C12orf42: variants seen among roughly 807,000 people sequenced by gnomAD.
C12orf42 encodes the protein chromosome 12 open reading frame 42.
In C12orf42, 25 loss-of-function variants were observed where a neutral mutation model predicts 21.6. The observed-to-expected ratio is 1.16, with a 90% CI of 0.84 to 1.62. The LOEUF is 1.62. Ranked by LOEUF, C12orf42 falls within the 40% of genes most tolerant of loss-of-function variation. The pLI is 0.00. For missense variants in C12orf42, 483 were observed against 459.3 expected, an observed-to-expected ratio of 1.05 and a Z score of -0.47; for synonymous variants, 174 against 175.0, an observed-to-expected ratio of 0.99 and a Z score of 0.05.
the C12orf42 span, among the ~76,000 whole-genome samples, chr12:103,183,079 T>TATTTC: frequency 5.9e-5 from 9 of 152,374 alleles, no homozygotes; most frequent in South Asian, 4.1e-4. Context: ...TCTCTTGCTC[T>TATTTC]ATTTCATTTC....
intron 4 of C12orf42, among the ~76,000 whole-genome samples, chr12:103,308,381 T>G (rs1295390517): frequency 6.6e-6 from 1 of 152,218 alleles, no homozygotes; most frequent in Non-Finnish European, 1.5e-5. Flanking sequence ...CTGGGTAACT[T>G]CTATGTAATA....
At chr12:103,422,096 C>T in intron 2 of C12orf42, among the ~76,000 whole-genome samples, 1 of 152,104 alleles carries the variant, frequency 6.6e-6, no homozygotes, top group Non-Finnish European at 1.5e-5. Context: ...CTCAGAAAAG[C>T]AACAATGGAT....
the C12orf42 span, among the ~76,000 whole-genome samples, chr12:103,517,978 C>G: frequency 6.6e-6 from 1 of 151,990 alleles, no homozygotes; most frequent in Non-Finnish European, 1.5e-5. Flanking sequence ...TTTTTAACAT[C>G]ATGAATCAGA....
chr12:103,270,841 T>C (rs991132131), intron 5 of C12orf42, among the ~76,000 whole-genome samples: 1 of 147,836 alleles, frequency 6.8e-6, no homozygotes, highest in Admixed American at 6.8e-5. Flanking sequence ...ATCCAAAATA[T>C]GTCAGATTGA....
At chr12:103,261,009 A>G (rs11830344) in intron 10 of C12orf42, among the ~76,000 whole-genome samples, 57,847 of 151,978 alleles carry the variant, frequency 0.38, 12,727 homozygotes, top group African/African-American at 0.6. Context: ...CACCTCCTGC[A>G]AAATTTCTTA....
At chr12:103,281,646 G>A (rs1302979346) in intron 4 of C12orf42, among the ~76,000 whole-genome samples, 4 of 151,912 alleles carry the variant, frequency 2.6e-5, no homozygotes, top group East Asian at 3.9e-4. Context: ...GTGAGCCACC[G>A]TGCCTGGTCT....
the C12orf42 span, among the ~76,000 whole-genome samples, chr12:103,527,588 T>G: frequency 6.6e-6 from 1 of 152,228 alleles, no homozygotes; most frequent in Non-Finnish European, 1.5e-5. Context: ...TCCTTTCTGG[T>G]ACTTCCTGTT....
chr12:103,361,210 T>C (rs1193186466), intron 4 of C12orf42, among the ~76,000 whole-genome samples: 1 of 152,070 alleles, frequency 6.6e-6, no homozygotes, highest in Non-Finnish European at 1.5e-5. Context: ...AGCGCCCAAG[T>C]TGTGAAAGTG....
rs539425502 is a variant in C12orf42, at chr12:103,464,380, A to G, written c.78+13969T>C. ...GCCATATAAATGTCTTCTTTTGAGAAGTGTCTGTTCATGTCTTTGCACACT... is the reference window on the plus strand; with the variant it reads ...GCCATATAAATGTCTTCTTTTGAGAGGTGTCTGTTCATGTCTTTGCACACT... On this transcript the variant is annotated intron_variant, in intron 2 of 5. Coordinates refer to ENST00000548883, the MANE Select transcript of C12orf42 (RefSeq NM_198521.5). 8.0e-5 allele frequency among the ~76,000 whole-genome samples: 12 copies of G among 149,100 alleles called. No individual in the cohort carries two copies. The South Asian group carries it at 2.5e-3, about 31-fold the overall frequency.
At chr12:103,264,481 T>G (rs1470279984), downstream of C12orf42, among the ~76,000 whole-genome samples, 2 of 152,130 alleles carry the variant, frequency 1.3e-5, no homozygotes, top group Non-Finnish European at 2.9e-5. Flanking sequence ...CCTTGGCATC[T>G]GCAGTGCCCT....
At chr12:103,125,644 A>G in the C12orf42 span, among the ~76,000 whole-genome samples, 5 of 152,186 alleles carry the variant, frequency 3.3e-5, no homozygotes, top group East Asian at 9.6e-4. Flanking sequence ...ACCAAAATGT[A>G]TGTTTTTTGT....
At chr12:103,446,193 G>T (rs1296913441) in intron 2 of C12orf42, among the ~76,000 whole-genome samples, 1 of 151,982 alleles carries the variant, frequency 6.6e-6, no homozygotes, top group Non-Finnish European at 1.5e-5. Context: ...AGCTAGAAGG[G>T]ATTGGGGTCC....
chr12:103,100,486 G>A, the C12orf42 span, among the ~76,000 whole-genome samples: 106 of 152,296 alleles, frequency 7.0e-4, no homozygotes, highest in African/African-American at 3.4e-4. Context: ...GCACCGGAGC[G>A]GTCACTCCTG....
At chr12:103,335,351 T>C (rs2041600705) in intron 4 of C12orf42, among the ~76,000 whole-genome samples, 1 of 152,236 alleles carries the variant, frequency 6.6e-6, no homozygotes, top group Non-Finnish European at 1.5e-5. Context: ...TAGGATGCTT[T>C]TAGCATAAAG....
At chr12:103,206,925 A>G in the C12orf42 span, among the ~76,000 whole-genome samples, 1 of 152,168 alleles carries the variant, frequency 6.6e-6, no homozygotes, top group African/African-American at 2.4e-5. Context: ...GCTCTCTCAC[A>G]TTACAGATAG....
At chr12:103,408,922 A>G (rs1360856837) in intron 2 of C12orf42, among the ~76,000 whole-genome samples, 1 of 152,232 alleles carries the variant, frequency 6.6e-6, no homozygotes, top group African/African-American at 2.4e-5. Flanking sequence ...CAATTTCATT[A>G]TAAATAAATG....
At chr12:103,169,749 A>C in the C12orf42 span, among the ~76,000 whole-genome samples, 1 of 150,774 alleles carries the variant, frequency 6.6e-6, no homozygotes, top group Non-Finnish European at 1.5e-5. Flanking sequence ...TACATATAAA[A>C]ATTTGATATG....
At chr12:103,510,785 G>T in the C12orf42 span, among the ~76,000 whole-genome samples, 288 of 152,260 alleles carry the variant, frequency 1.9e-3, 1 homozygote, top group African/African-American at 6.4e-3. Flanking sequence ...GGAAATCGAT[G>T]ATCTTATATC....
rs369204180 is a variant in C12orf42 at position 103,385,109 on chromosome 12, C to T, written c.148-16111G>A. On this transcript the variant is annotated intron_variant, in intron 3 of 5. Coordinates refer to ENST00000548883, the MANE Select transcript of C12orf42 (RefSeq NM_198521.5). The stretch of plus-strand genomic sequence containing the variant: ...TACAGTTTGTCCCAAAACCCAGAGA[C>T]GGTTTGAAACCCCCAAATTGGTGGA... Among the ~76,000 whole-genome samples the T allele has an allele frequency of 3.8e-4, 58 of 152,244 alleles. No homozygotes were observed. In the South Asian group the frequency reaches 6.8e-3, roughly 18 times the overall value.
Sources: allele counts gnomAD v4.1 joint callset (sites outside exome capture counted in the v4.1 genomes callset), GRCh38; gene constraint gnomAD v4.1.1; transcripts MANE v1.5; gene names NCBI Gene and HGNC (gene_info 2026-07-23, HGNC 2026-07-21).